The following KCTD1 variants were observed in gnomAD, a reference collection of about 807,000 sequenced individuals.
KCTD1 encodes potassium channel tetramerization domain containing 1, also known as BTB/POZ domain-containing protein KCTD1.
KCTD1 carries 24 observed loss-of-function variants against 66.0 expected under a neutral mutation model. The ratio of observed to expected loss-of-function variants is 0.36; its 90% CI spans 0.26 to 0.51. The LOEUF (loss-of-function observed/expected upper bound fraction) is 0.51, where lower values mean the gene tolerates loss of function less well. Among genes scored for constraint, KCTD1 ranks in the 20% least tolerant of loss-of-function variants. The pLI is 0.95. For missense variants in KCTD1, 943 were observed against 1,205.2 expected (o/e 0.78, Z 3.22); for synonymous variants, 511 against 517.2 (o/e 0.99, Z 0.16).
intron 1 of KCTD1, among the ~76,000 whole-genome samples, chr18:26,505,295 A>G (rs1982976659): frequency 6.6e-6 from 1 of 152,242 alleles, no homozygotes; most frequent in Non-Finnish European, 1.5e-5. Context: ...TTTCAGGATT[A>G]CTTCTGGAGA....
At chr18:26,549,713 C>G, upstream of KCTD1, 1 of 985,414 alleles carries the variant, frequency 1.0e-6, no homozygotes, top group South Asian at 4.7e-5. Context: ...AATTCGGATC[C>G]GGAGCGCACT....
At chr18:26,627,095 T>TCTCCTTTGTACTA (rs1267973795) in intron 1 of KCTD1, among the ~76,000 whole-genome samples, 2 of 152,156 alleles carry the variant, frequency 1.3e-5, no homozygotes, top group African/African-American at 4.8e-5. Context: ...AAGAATCACT[T>TCTCCTTTGTACTA]CTCCTTTGTA....
rs1487567258 is a variant in KCTD1, at chr18:26,657,259, C to T, written c.9+101G>A. 7.8e-6 allele frequency: 7 copies of T among 894,870 alleles called. No individual in the cohort carries two copies. In the South Asian group the frequency reaches 2.6e-4, roughly 33 times the overall value. 55.4% of individuals were successfully genotyped at this position (894,870 alleles called of 1,614,324 possible). On this transcript the variant is annotated intron_variant, in intron 1 of 4. Transcript: ENST00000580191. ...GGCGTGTGTGCGAGTGTGCCGCGCT[C>T]TCGCCCCATGCCTGGCACATGCGTA... is the stretch of plus-strand genomic sequence containing the variant.
chr18:26,584,114 G>A (rs1986419240), intron 1 of KCTD1, among the ~76,000 whole-genome samples: 1 of 152,180 alleles, frequency 6.6e-6, no homozygotes, highest in Non-Finnish European at 1.5e-5. Context: ...TGAAAGACCA[G>A]GGTTCTGAGG....
chr18:26,610,465 C>A (rs1455249345), intron 1 of KCTD1, among the ~76,000 whole-genome samples: 3 of 152,032 alleles, frequency 2.0e-5, no homozygotes, highest in African/African-American at 7.2e-5. Context: ...GTAGTCCTAG[C>A]TACTTGGGAG....
intron 1 of KCTD1, among the ~76,000 whole-genome samples, chr18:26,582,655 A>G (rs1452205353): frequency 1.3e-5 from 2 of 152,250 alleles, no homozygotes; most frequent in Non-Finnish European, 2.9e-5. Flanking sequence ...ATGTCCATCA[A>G]TAGGTGAAAT....
intron 1 of KCTD1, among the ~76,000 whole-genome samples, chr18:26,564,019 C>CTTTTT (rs35602601): frequency 2.1e-5 from 3 of 143,130 alleles, no homozygotes; most frequent in African/African-American, 7.7e-5. Flanking sequence ...AAGAGAGGGG[C>CTTTTT]TTTTTTTTTT....
At chr18:26,624,607 CATACGGAA>C (rs1483431977) in intron 1 of KCTD1, among the ~76,000 whole-genome samples, 8 of 152,250 alleles carry the variant, frequency 5.3e-5, no homozygotes, top group Non-Finnish European at 1.5e-5. Flanking sequence ...TTTCAGAGGA[CATACGGAA>C]ATGCCTGGAT....
chr18:26,520,750 A>G (rs1197932933), intron 1 of KCTD1, among the ~76,000 whole-genome samples: 1 of 152,234 alleles, frequency 6.6e-6, no homozygotes, highest in Non-Finnish European at 1.5e-5. Flanking sequence ...CTTTCAATTT[A>G]TGCCTCCAAA....
intron 3 of KCTD1, among the ~76,000 whole-genome samples, chr18:26,467,938 T>C (rs570440976): frequency 1.1e-4 from 17 of 152,246 alleles, no homozygotes; most frequent in Admixed American, 7.9e-4. Flanking sequence ...ATGGTGGACA[T>C]ACAGACAGAC....
intron 1 of KCTD1, among the ~76,000 whole-genome samples, chr18:26,590,171 C>T (rs1333135645): frequency 1.3e-5 from 2 of 152,050 alleles, no homozygotes; most frequent in Non-Finnish European, 1.5e-5. Flanking sequence ...GCAACCTCTG[C>T]CTCCTGGGTT....
intron 2 of KCTD1, among the ~76,000 whole-genome samples, chr18:26,488,098 T>C (rs746532394): frequency 3.9e-5 from 6 of 152,214 alleles, no homozygotes; most frequent in Non-Finnish European, 7.3e-5. Context: ...GCCTGACACA[T>C]GGTGTACTTG....
chr18:26,551,094 A>G (rs1325602831), upstream of KCTD1, among the ~76,000 whole-genome samples: 5 of 152,152 alleles, frequency 3.3e-5, no homozygotes, highest in East Asian at 7.7e-4. Context: ...CCCCCCTCCC[A>G]CCAGCTCCCC....
At chr18:26,553,827 TA>T (rs10548383) in intron 1 of KCTD1, among the ~76,000 whole-genome samples, 103,993 of 135,294 alleles carry the variant, frequency 0.77, 40,964 homozygotes, top group Non-Finnish European at 0.87. Context: ...CCAGAGAGGG[TA>T]AAAAAAAAAA....
At chr18:26,526,236 C>T (rs547706299) in intron 1 of KCTD1, among the ~76,000 whole-genome samples, 1 of 152,132 alleles carries the variant, frequency 6.6e-6, no homozygotes, top group African/African-American at 2.4e-5. Flanking sequence ...GTTGGTTATG[C>T]ATTTCTGGAG....
At chr18:26,522,843 T>C (rs1369453055) in intron 1 of KCTD1, among the ~76,000 whole-genome samples, 2 of 152,268 alleles carry the variant, frequency 1.3e-5, no homozygotes, top group East Asian at 1.9e-4. Context: ...TTTTCTGATA[T>C]AGAAACTGAG....
At chr18:26,478,677 C>T (rs972650836) in intron 2 of KCTD1, among the ~76,000 whole-genome samples, 4 of 152,146 alleles carry the variant, frequency 2.6e-5, no homozygotes, top group African/African-American at 7.2e-5. Flanking sequence ...TGTAAAGGAA[C>T]CAGGACTGAG....
chr18:26,473,774 C>T (rs1333724979), intron 3 of KCTD1, among the ~76,000 whole-genome samples: 1 of 152,168 alleles, frequency 6.6e-6, no homozygotes, highest in Admixed American at 6.5e-5. Flanking sequence ...GGGAACTGCC[C>T]TTGGCTGGGA....
intron 3 of KCTD1, among the ~76,000 whole-genome samples, chr18:26,466,309 C>T (rs1980731472): frequency 1.3e-5 from 2 of 152,228 alleles, no homozygotes; most frequent in Admixed American, 6.5e-5. Context: ...TTAATGGCAC[C>T]TCCTGCAATT....
Sources: allele counts gnomAD v4.1 joint callset (sites outside exome capture counted in the v4.1 genomes callset), GRCh38; gene constraint gnomAD v4.1.1; transcripts MANE v1.5; gene names NCBI Gene and HGNC (gene_info 2026-07-23, HGNC 2026-07-21).